GLIPR1L2: variants seen among roughly 807,000 people sequenced by gnomAD.
GLIPR1L2 encodes GLIPR1-like protein 2.
Under a neutral mutation model 28.4 loss-of-function variants are expected in GLIPR1L2, and 21 were observed. The observed-to-expected ratio is 0.74, with a 90% CI of 0.52 to 1.06. The LOEUF is 1.06. GLIPR1L2 is among the 50% of genes least tolerant of loss of function. The pLI is 0.00. For missense variants in GLIPR1L2, 476 were observed against 416.9 expected (o/e 1.14, Z -1.23); for synonymous variants, 145 against 139.3 (o/e 1.04, Z -0.29).
Position 75,423,426 on chromosome 12 carries a change from A to G in GLIPR1L2, c.670+437A>G, listed in dbSNP as rs2045999781. 7.4e-6 allele frequency: 7 copies of G among 941,278 alleles called. No individual in the cohort carries two copies. In the African/African-American group the frequency reaches 8.8e-5, roughly 12 times the overall value. The allele number at this position is 941,278 out of a possible 1,614,324, so 58.3% of individuals were successfully genotyped here. On this transcript the variant is annotated intron_variant, in intron 4 of 5. Coordinates refer to ENST00000550916, the MANE Select transcript of GLIPR1L2 (RefSeq NM_001270396.2). ...CAAATATTTCAAAAGTAAAAAGTAG[A>G]AAATATGTTTGATTACATTTTTCTT...
chr12:75,392,607 A>G (rs983512902), intron 1 of GLIPR1L2, among the ~76,000 whole-genome samples: 6 of 152,066 alleles, frequency 3.9e-5, no homozygotes, highest in Admixed American at 2.6e-4. Flanking sequence ...GGGAGTTTCA[A>G]CTAATTTCCC....
At chr12:75,396,300 A>T (rs2045681006) in intron 1 of GLIPR1L2, among the ~76,000 whole-genome samples, 1 of 152,016 alleles carries the variant, frequency 6.6e-6, no homozygotes, top group African/African-American at 2.4e-5. Context: ...AAGTACTGGG[A>T]CTACAGGTAC....
intron 4 of GLIPR1L2, chr12:75,423,561 C>A: frequency 1.6e-6 from 1 of 641,864 alleles, no homozygotes; most frequent in Non-Finnish European, 1.9e-6. Context: ...AAGTAAATAG[C>A]ATATTATGTT....
intron 1 of GLIPR1L2, among the ~76,000 whole-genome samples, chr12:75,396,020 A>G (rs1440151919): frequency 2.0e-5 from 3 of 151,936 alleles, no homozygotes; most frequent in South Asian, 2.1e-4. Flanking sequence ...ACACTCATAC[A>G]TTTTCCTCTT....
chr12:75,413,570 T>G, intron 2 of GLIPR1L2, 28 bp from the exon 3 acceptor site: 1 of 1,244,308 alleles, frequency 8.0e-7, no homozygotes. Flanking sequence ...AATTAAATTT[T>G]GTGTCTTTCT....
Position 75,413,081 on chromosome 12 carries a change from A to C in GLIPR1L2, c.481-517A>C, listed in dbSNP as rs1181273326. 2.0e-5 allele frequency among the ~76,000 whole-genome samples: 3 copies of C among 151,928 alleles called. 1 individual carries two copies. Among genetic ancestry groups the C allele is most frequent in the Non-Finnish European group, 4.4e-5 (3 of 67,984 alleles). ...GAAACTGGAAACCATGATTCTCAGC[A>C]AACTATCGCAAGGACAAAAAACCAA... is the stretch of plus-strand genomic sequence containing the variant. On this transcript the variant is annotated intron_variant, in intron 2 of 5. Coordinates refer to ENST00000550916, the MANE Select transcript of GLIPR1L2 (RefSeq NM_001270396.2).
rs2046074371 is a variant in GLIPR1L2, at chr12:75,429,938, C to CTTTCT, written c.671-774_671-773insCTTTT. 9.6e-4 allele frequency among the ~76,000 whole-genome samples: 124 copies of CTTTCT among 128,636 alleles called. 1 individual carries two copies. Among genetic ancestry groups the CTTTCT allele is most frequent in the African/African-American group, 2.8e-3 (92 of 32,408 alleles). 84.4% of individuals were successfully genotyped at this position (128,636 alleles called of 152,430 possible). A position where few individuals can be genotyped will look rare whatever the true frequency, so the allele number is the denominator to read the frequency against. On this transcript the variant is annotated intron_variant, in intron 4 of 5. Coordinates refer to ENST00000550916, the MANE Select transcript of GLIPR1L2 (RefSeq NM_001270396.2). ...CCTTTTCTTTTCTTTTCTTTTCTTT[C>CTTTCT]TTTTTTTTTTTTTTTTGAGACAGAG...
At chr12:75,410,787 A>G (rs1262655393) in intron 2 of GLIPR1L2, 108 bp downstream of exon 2, 13 of 801,272 alleles carry the variant, frequency 1.6e-5, no homozygotes, top group Non-Finnish European at 2.4e-5. Flanking sequence ...AAATTATCAC[A>G]TTTAATAAGA....
Position 75,410,629 on chromosome 12 carries a change from T to C in GLIPR1L2, c.430T>C (p.Tyr144His). 4 of 1,611,420 alleles carry C rather than the reference T, an allele frequency of 2.5e-6. No individual in the cohort carries two copies. The highest frequency in any genetic ancestry group is 3.4e-6 in the Non-Finnish European group (4 of 1,178,240). Residue 144 changes from tyrosine to histidine, a missense_variant, in exon 2 of 6, where the codon TAC becomes CAC. Transcript: ENST00000550916. Reference protein sequence around the residue: ...IRSWHAEKKMYNFENGSCSGD... With the variant: ...IRSWHAEKKMHNFENGSCSGD... Reference sequence around the variant, plus strand: ...AAGTTGGCATGCAGAGAAGAAAATGTACAATTTTGAAAATGGCAGTTGCTC... The same window carrying C: ...AAGTTGGCATGCAGAGAAGAAAATGCACAATTTTGAAAATGGCAGTTGCTC...
At chr12:75,391,532 G>A in intron 1 of GLIPR1L2, 182 bp downstream of exon 1, 2 of 1,528,532 alleles carry the variant, frequency 1.3e-6, no homozygotes, top group Non-Finnish European at 1.8e-6. Context: ...TCTAACACAT[G>A]CTTATTACCA....
chr12:75,397,179 C>G (rs1414271368), intron 1 of GLIPR1L2, among the ~76,000 whole-genome samples: 2 of 152,184 alleles, frequency 1.3e-5, no homozygotes, highest in East Asian at 3.9e-4. Flanking sequence ...TGCTTTAGAA[C>G]TGCTGTTCAT....
At chr12:75,400,299 T>A (rs1036340283) in intron 1 of GLIPR1L2, among the ~76,000 whole-genome samples, 1 of 151,694 alleles carries the variant, frequency 6.6e-6, no homozygotes, top group Non-Finnish European at 1.5e-5. Flanking sequence ...TTTTTTGTAT[T>A]TTTTTTAGTA....
At position 75,396,472 on chromosome 12, in the gene GLIPR1L2, C is replaced by T. The variant is rs574974057; in HGVS notation, c.234+5122C>T. On this transcript the variant is annotated intron_variant, in intron 1 of 5. Transcript: ENST00000550916. ...AATCAGTTTCCTTGTGCCTAAAATA[C>T]GTCTTTTAATAGCTCATTCAGCAAG... 2.1e-3 allele frequency among the ~76,000 whole-genome samples: 327 copies of T among 152,272 alleles called. 2 individuals carry two copies. Among genetic ancestry groups the T allele is most frequent in the South Asian group, 9.7e-3 (47 of 4,822 alleles).
At position 75,431,322 on chromosome 12, in the gene GLIPR1L2, A is replaced by G; in HGVS notation, c.*161A>G. On this transcript the variant is annotated 3_prime_UTR_variant, in exon 6 of 6. Transcript: ENST00000550916. ...TTTTATTCCCTTCTCTCCTATACTT[A>G]TTCAATCAATTTAAATTTGTAAAAC... 1 of 494,156 alleles carries G rather than the reference A, an allele frequency of 2.0e-6. No individual in the cohort carries two copies. 30.6% of individuals were successfully genotyped at this position (494,156 alleles called of 1,614,324 possible).
At chr12:75,425,836 T>C (rs989893300) in intron 4 of GLIPR1L2, among the ~76,000 whole-genome samples, 1 of 152,092 alleles carries the variant, frequency 6.6e-6, no homozygotes, top group Non-Finnish European at 1.5e-5. Context: ...GTTTTCTCAC[T>C]GTCAGAAATG....
rs763167969 is a variant in GLIPR1L2 at position 75,391,146 on chromosome 12, G to A, written c.30G>A (p.Glu10=). Reference sequence around the variant, plus strand: ...AGGCCGCAAGGCCCTTCGCCCGGGAGTGGAGGGCCCAGTCCCTACCCCTGG... The same window carrying A: ...AGGCCGCAAGGCCCTTCGCCCGGGAATGGAGGGCCCAGTCCCTACCCCTGG... The part of the protein sequence containing the change: MEAARPFAR[E]WRAQSLPLAV... Residue 10 remains glutamate (E), a synonymous_variant, in exon 1 of 6, where the codon GAG becomes GAA. Transcript: ENST00000550916. The A allele has an allele frequency of 1.2e-6, 2 of 1,614,066 alleles. No homozygotes were observed. The highest frequency in any genetic ancestry group is 1.7e-6 in the Non-Finnish European group (2 of 1,179,984).
chr12:75,413,837 A>G, intron 3 of GLIPR1L2, 136 bp downstream of exon 3: 1 of 463,360 alleles, frequency 2.2e-6, no homozygotes, highest in East Asian at 3.6e-5. Context: ...ATTTTCAATC[A>G]ATTTTATAAT....
intron 1 of GLIPR1L2, among the ~76,000 whole-genome samples, chr12:75,404,915 G>A (rs1017238449): frequency 9.9e-5 from 15 of 152,034 alleles, no homozygotes; most frequent in Non-Finnish European, 1.9e-4. Context: ...TTCTAAGTAA[G>A]ATAAACTGCT....
intron 1 of GLIPR1L2, among the ~76,000 whole-genome samples, chr12:75,405,949 A>G (rs2045794088): frequency 6.6e-6 from 1 of 151,958 alleles, no homozygotes; most frequent in African/African-American, 2.4e-5. Context: ...AAAAATGACA[A>G]CATTTACTTA....
Sources: gnomAD v4.1 joint callset for allele counts (sites outside exome capture counted in the v4.1 genomes callset) on GRCh38, gnomAD v4.1.1 for gene constraint, MANE v1.5 for transcripts, NCBI Gene and HGNC (gene_info 2026-07-23, HGNC 2026-07-21) for gene names.